Variants in PEAK1 observed in about 807,000 individuals in gnomAD.
PEAK1 encodes inactive tyrosine-protein kinase PEAK1.
In PEAK1, 54 loss-of-function variants were observed where a neutral mutation model predicts 124.7. The ratio of observed to expected loss-of-function variants is 0.43; its 90% confidence interval spans 0.35 to 0.54. PEAK1 has a LOEUF of 0.54. Among genes scored for constraint, PEAK1 ranks in the 20% least tolerant of loss-of-function variants. The pLI, the probability that PEAK1 is intolerant of heterozygous loss-of-function variation, is 0.01. For missense variants in PEAK1, 2,046 were observed against 2,134.5 expected (o/e 0.96, Z 0.82); for synonymous variants, 719 against 760.0 (o/e 0.95, Z 0.89).
chr15:77,381,551 C>CCTTTCTGTTTACTCA, intron 1 of PEAK1: 1 of 796,808 alleles, frequency 1.3e-6, no homozygotes, highest in Non-Finnish European at 1.5e-6. Context: ...ATTGAGTAAA[C>CCTTTCTGTTTACTCA]AGAAAGGTTC....
At chr15:77,238,602 C>CT (rs1229817745) in intron 6 of PEAK1, among the ~76,000 whole-genome samples, 1 of 152,038 alleles carries the variant, frequency 6.6e-6, no homozygotes, top group Non-Finnish European at 1.5e-5. Flanking sequence ...GTGACCCTAT[C>CT]TTTTTTGGAC....
chr15:77,303,762 AT>A (rs1291629821), intron 2 of PEAK1, among the ~76,000 whole-genome samples: 1 of 152,020 alleles, frequency 6.6e-6, no homozygotes, highest in African/African-American at 2.4e-5. Context: ...ACTTACCAAT[AT>A]TTTTCTTTCA....
At chr15:77,307,761 T>C (rs566981997) in intron 2 of PEAK1, among the ~76,000 whole-genome samples, 1 of 152,174 alleles carries the variant, frequency 6.6e-6, no homozygotes, top group African/African-American at 2.4e-5. Context: ...ACAAAAGGGA[T>C]ACAATTTGGA....
chr15:77,163,572 A>T (rs4243045), intron 7 of PEAK1, among the ~76,000 whole-genome samples: 4 of 152,038 alleles, frequency 2.6e-5, no homozygotes, highest in Non-Finnish European at 5.9e-5. Flanking sequence ...TGTAAAAATT[A>T]TGTTAAATGT....
At chr15:77,126,884 T>A (rs939629240) in intron 9 of PEAK1, among the ~76,000 whole-genome samples, 3 of 152,150 alleles carry the variant, frequency 2.0e-5, no homozygotes, top group Non-Finnish European at 4.4e-5. Context: ...AACCTTCAAA[T>A]CCAGGAAAAG....
At chr15:77,184,078 C>T (rs1413856383) in intron 6 of PEAK1, among the ~76,000 whole-genome samples, 1 of 151,880 alleles carries the variant, frequency 6.6e-6, no homozygotes, top group Non-Finnish European at 1.5e-5. Context: ...GACCCAGCTG[C>T]CTCGGCCTCC....
intron 7 of PEAK1, among the ~76,000 whole-genome samples, chr15:77,170,355 G>A (rs1312534097): frequency 6.6e-6 from 1 of 152,058 alleles, no homozygotes; most frequent in Non-Finnish European, 1.5e-5. Flanking sequence ...TAATCCAGTA[G>A]AACTGATTGC....
intron 5 of PEAK1, among the ~76,000 whole-genome samples, chr15:77,259,131 T>C (rs1391673486): frequency 6.6e-6 from 1 of 152,168 alleles, no homozygotes; most frequent in Non-Finnish European, 1.5e-5. Flanking sequence ...GCCCAAAATA[T>C]ACATTATTTG....
At chr15:77,164,630 G>T (rs1295829346) in intron 7 of PEAK1, among the ~76,000 whole-genome samples, 1 of 152,160 alleles carries the variant, frequency 6.6e-6, no homozygotes, top group Non-Finnish European at 1.5e-5. Context: ...AAAATCCTAT[G>T]AAATACAAAG....
chr15:77,211,039 C>T (rs183793184), intron 6 of PEAK1, among the ~76,000 whole-genome samples: 1 of 152,254 alleles, frequency 6.6e-6, no homozygotes, highest in Admixed American at 6.5e-5. Context: ...AACTATGTCC[C>T]ATGGGTAAAA....
rs1198032417 is a variant in PEAK1 at position 77,252,430 on chromosome 15, A to T, written c.-178T>A. On this transcript the variant is annotated 5_prime_UTR_variant, in exon 6 of 10. It removes an upstream start codon present in the reference 5' UTR. Coordinates refer to ENST00000682557, the MANE Select transcript of PEAK1 (RefSeq NM_001385026.1). ...AGGTGGTTTTAGCAGCTAGCAAAAC[A>T]TTCCTTCCAAATTTCAAGGTGCTTT... is the stretch of plus-strand genomic sequence containing the variant. 1 of 985,406 alleles carries T rather than the reference A, an allele frequency of 1.0e-6. No homozygotes were observed. Among genetic ancestry groups the T allele is most frequent in the South Asian group, 4.7e-5 (1 of 21,292 alleles). The allele number at this position is 985,406 out of a possible 1,614,324, so 61.0% of individuals were successfully genotyped here.
In PEAK1 at chr15:77,236,410, G is replaced by A. The variant is rs147787570; in HGVS notation, c.-115+15957C>T. On this transcript the variant is annotated intron_variant, in intron 6 of 9. Coordinates refer to ENST00000682557, the MANE Select transcript of PEAK1 (RefSeq NM_001385026.1). The stretch of plus-strand genomic sequence containing the variant: ...TTTAAGATTTAATAATTGCCCTATC[G>A]TTTCCGACTTGCATGAGGCCTATAG... 4.3e-4 allele frequency among the ~76,000 whole-genome samples: 65 copies of A among 152,296 alleles called. 1 individual carries two copies. The East Asian group carries it at 0.012, about 27-fold the overall frequency.
chr15:77,371,274 T>C, intron 1 of PEAK1: 3 of 954,562 alleles, frequency 3.1e-6, no homozygotes, highest in African/African-American at 3.5e-5. Flanking sequence ...CCTAAATACC[T>C]GTTGAATTAA....
At chr15:77,351,538 A>T (rs1482480099) in intron 2 of PEAK1, among the ~76,000 whole-genome samples, 1 of 152,230 alleles carries the variant, frequency 6.6e-6, no homozygotes, top group East Asian at 1.9e-4. Flanking sequence ...GCGTACCCCA[A>T]GTAAAGGGTA....
intron 1 of PEAK1, among the ~76,000 whole-genome samples, chr15:77,416,467 G>GT (rs1180484142): frequency 1.3e-5 from 2 of 152,134 alleles, no homozygotes; most frequent in Non-Finnish European, 2.9e-5. Context: ...CTTGCTTCCA[G>GT]TTTTGTCCCT....
chr15:77,292,051 C>T (rs2063245943), intron 2 of PEAK1, among the ~76,000 whole-genome samples: 1 of 151,652 alleles, frequency 6.6e-6, no homozygotes, highest in Non-Finnish European at 1.5e-5. Flanking sequence ...AATGCTTACA[C>T]TGTACAAATA....
chr15:77,397,495 G>T (rs2070991556), intron 1 of PEAK1, among the ~76,000 whole-genome samples: 1 of 151,622 alleles, frequency 6.6e-6, no homozygotes, highest in African/African-American at 2.4e-5. Context: ...AAAAATCAAT[G>T]AAATGAAATG....
intron 8 of PEAK1, among the ~76,000 whole-genome samples, chr15:77,135,059 A>T (rs1200144997): frequency 6.6e-6 from 1 of 152,198 alleles, no homozygotes; most frequent in Non-Finnish European, 1.5e-5. Flanking sequence ...AAGGCAAGAA[A>T]GGAATCTACC....
At position 77,181,461 on chromosome 15, in the gene PEAK1, T is replaced by A. The variant is rs2057267044; in HGVS notation, c.466A>T (p.Ile156Leu). ...NNGLTEVLKE[I>L]AGLDTAPQIR... ...TGAGGGGCAGTATCCAAGCCTGCTA[T>A]CTCCTTTAACACTTCAGTTAGTCCA... is the stretch of plus-strand genomic sequence containing the variant. The change falls in exon 7 of 10, where the codon ATA becomes TTA. Residue 156 changes from isoleucine (I) to leucine (L), a missense_variant. Ile to Leu is a conservative substitution (Grantham distance 5, BLOSUM62 2). Coordinates refer to ENST00000682557, the MANE Select transcript of PEAK1 (RefSeq NM_001385026.1). 2 of 1,614,220 alleles carry A rather than the reference T, an allele frequency of 1.2e-6. No homozygotes were observed. Among genetic ancestry groups the A allele is most frequent in the East Asian group, 2.2e-5 (1 of 44,890 alleles).
Sources: allele counts gnomAD v4.1 joint callset (sites outside exome capture counted in the v4.1 genomes callset), GRCh38; gene constraint gnomAD v4.1.1; transcripts MANE v1.5; gene names NCBI Gene and HGNC (gene_info 2026-07-23, HGNC 2026-07-21).